GLIS3: variants seen among roughly 807,000 people sequenced by gnomAD.
The protein encoded by GLIS3 is zinc finger protein GLIS3.
In GLIS3, 53 loss-of-function variants were observed where a neutral mutation model predicts 78.6. The observed-to-expected ratio is 0.67, with a 90% CI of 0.54 to 0.85. The LOEUF (loss-of-function observed/expected upper bound fraction) is 0.85. GLIS3 is among the 40% of genes least tolerant of loss of function. GLIS3 has a pLI of 0.00. For synonymous variants in GLIS3, 684 were observed against 509.9 expected (o/e 1.34, Z -4.60); for missense variants, 1,703 against 1,231.1 (o/e 1.38, Z -5.74).
intron 2 of GLIS3, among the ~76,000 whole-genome samples, chr9:4,276,191 G>A (rs1334905699): frequency 6.6e-6 from 1 of 150,706 alleles, no homozygotes; most frequent in East Asian, 1.9e-4. Context: ...GCTGAGGCTG[G>A]AAAATCACCT....
At chr9:4,289,705 G>C (rs112497639) in intron 1 of GLIS3, among the ~76,000 whole-genome samples, 120 of 152,260 alleles carry the variant, frequency 7.9e-4, no homozygotes, top group African/African-American at 2.8e-3. Context: ...GGAACATCCA[G>C]AGGTATAAAT....
At chr9:4,108,882 C>G (rs1037287896) in intron 4 of GLIS3, among the ~76,000 whole-genome samples, 3 of 152,118 alleles carry the variant, frequency 2.0e-5, no homozygotes, top group Non-Finnish European at 4.4e-5. Flanking sequence ...CTCCGGTCAA[C>G]AGACAAATGA....
intron 4 of GLIS3, chr9:4,035,944 C>G (rs1431220447): frequency 1.3e-5 from 2 of 152,406 alleles, no homozygotes; most frequent in African/African-American, 4.8e-5. Context: ...CTGCTGCCTG[C>G]CCACATCCCT....
At chr9:4,472,830 T>A in the GLIS3 span, among the ~76,000 whole-genome samples, 2 of 152,126 alleles carry the variant, frequency 1.3e-5, no homozygotes, top group East Asian at 3.8e-4. Context: ...AAATTATATA[T>A]AATTATTGAT....
At chr9:4,312,002 G>C (rs528935652) in intron 2 of GLIS3, among the ~76,000 whole-genome samples, 16 of 152,304 alleles carry the variant, frequency 1.1e-4, no homozygotes, top group African/African-American at 3.9e-4. Flanking sequence ...AGTGGGAGGA[G>C]GAAGAGGAGC....
At position 4,318,384 on chromosome 9, in the gene GLIS3, C is replaced by G. The variant is rs973719875; in HGVS notation, n.265-7856G>C. Among the ~76,000 whole-genome samples the G allele has an allele frequency of 6.6e-5, 10 of 152,230 alleles. No individual in the cohort carries two copies. In the South Asian group the frequency reaches 2.1e-3, roughly 32 times the overall value. On this transcript the variant is annotated intron_variant and non_coding_transcript_variant, in intron 2 of 4. Transcript: ENST00000471664. ...GTTTCGTTTCTGAATACATCCCTCACTAAAAGGAAGCACGGAGAAATGGCT... is the reference window on the plus strand; with the variant it reads ...GTTTCGTTTCTGAATACATCCCTCAGTAAAAGGAAGCACGGAGAAATGGCT...
At chr9:4,478,047 C>T in the GLIS3 span, among the ~76,000 whole-genome samples, 3 of 152,080 alleles carry the variant, frequency 2.0e-5, no homozygotes, top group South Asian at 2.1e-4. Flanking sequence ...TCCCATGAAC[C>T]GGAACCTGAA....
At chr9:4,274,534 G>A (rs1826813305) in intron 2 of GLIS3, among the ~76,000 whole-genome samples, 1 of 152,120 alleles carries the variant, frequency 6.6e-6, no homozygotes, top group East Asian at 1.9e-4. Context: ...AGAAGCAGAG[G>A]GTGGCAATGA....
At chr9:3,943,753 C>G (rs1563876597) in intron 4 of GLIS3, among the ~76,000 whole-genome samples, 1 of 152,194 alleles carries the variant, frequency 6.6e-6, no homozygotes, top group Non-Finnish European at 1.5e-5. Flanking sequence ...ACACTTTGGT[C>G]TCAATGAGTC....
At chr9:3,965,372 T>TAC in intron 4 of GLIS3, among the ~76,000 whole-genome samples, 1 of 151,958 alleles carries the variant, frequency 6.6e-6, no homozygotes, top group Middle Eastern at 3.4e-3. Context: ...TTTTGTACTT[T>TAC]TAGTAGAGAG....
At chr9:4,343,308 C>T (rs997750869) in intron 2 of GLIS3, among the ~76,000 whole-genome samples, 2 of 152,150 alleles carry the variant, frequency 1.3e-5, no homozygotes, top group African/African-American at 4.8e-5. Flanking sequence ...TGCCACTGCA[C>T]TCCAGCATGG....
chr9:3,921,753 T>C (rs982671712), intron 6 of GLIS3, among the ~76,000 whole-genome samples: 19 of 152,166 alleles, frequency 1.2e-4, no homozygotes, highest in African/African-American at 4.6e-4. Context: ...TAATATCTGT[T>C]ATATATAGTT....
intron 9 of GLIS3, among the ~76,000 whole-genome samples, chr9:3,830,063 A>C (rs1817957837): frequency 6.6e-6 from 1 of 152,270 alleles, no homozygotes; most frequent in African/African-American, 2.4e-5. Flanking sequence ...TCTTTGCAGT[A>C]AATGGAAAAA....
Position 4,075,481 on chromosome 9 carries a change from C to G in GLIS3, c.1710+42287G>C, listed in dbSNP as rs1026149411. ...CTCCCAGCTACTCGGGAGGCTGAGG[C>G]GGAAGAATGGTGTGAACCCAGGAGG... On this transcript the variant is annotated intron_variant, in intron 4 of 10. Coordinates refer to ENST00000381971, the MANE Select transcript of GLIS3 (RefSeq NM_001042413.2). Among the ~76,000 whole-genome samples the G allele has an allele frequency of 1.5e-3, 228 of 149,642 alleles. 1 individual carries two copies. Among genetic ancestry groups the G allele is most frequent in the African/African-American group, 5.4e-3 (221 of 40,770 alleles).
At chr9:4,199,509 A>C (rs1463450331) in intron 2 of GLIS3, among the ~76,000 whole-genome samples, 1 of 149,984 alleles carries the variant, frequency 6.7e-6, no homozygotes, top group Non-Finnish European at 1.5e-5. Context: ...GATATAACTT[A>C]TATCATATAA....
Position 3,908,706 on chromosome 9 carries a change from G to GTTTTTTTTTTTTTTTT in GLIS3, c.1984-9887_1984-9872dup, listed in dbSNP as rs34789708. On this transcript the variant is annotated intron_variant, in intron 6 of 10. Transcript: ENST00000381971. ...GCACCATCAATTGTGATTTGTATTT[G>GTTTTTTTTTTTTTTTT]TTTTTTTTTTTTTTTTTTTTTTGTA... 2.7e-4 allele frequency among the ~76,000 whole-genome samples: 23 copies of GTTTTTTTTTTTTTTTT among 85,562 alleles called. 1 individual carries two copies. Among genetic ancestry groups the GTTTTTTTTTTTTTTTT allele is most frequent in the East Asian group, 7.0e-4 (2 of 2,876 alleles). 56.1% of individuals were successfully genotyped at this position (85,562 alleles called of 152,430 possible).
At chr9:4,184,805 G>A (rs1817630864) in intron 2 of GLIS3, among the ~76,000 whole-genome samples, 1 of 152,154 alleles carries the variant, frequency 6.6e-6, no homozygotes, top group Non-Finnish European at 1.5e-5. Context: ...GTGGGGTGGA[G>A]GAGGGAGTGA....
intron 8 of GLIS3, among the ~76,000 whole-genome samples, chr9:3,858,309 T>C (rs541032852): frequency 2.0e-5 from 3 of 152,280 alleles, no homozygotes; most frequent in African/African-American, 7.2e-5. Context: ...ATATATATGA[T>C]TCTATATAAT....
intron 4 of GLIS3, among the ~76,000 whole-genome samples, chr9:3,976,445 G>A (rs576844895): frequency 3.3e-5 from 5 of 152,084 alleles, no homozygotes; most frequent in African/African-American, 4.8e-5. Flanking sequence ...ACAAGAAAGC[G>A]ATGGCAGATT....
Sources: gnomAD v4.1 joint callset for allele counts (sites outside exome capture counted in the v4.1 genomes callset) on GRCh38, gnomAD v4.1.1 for gene constraint, MANE v1.5 for transcripts, NCBI Gene and HGNC (gene_info 2026-07-23, HGNC 2026-07-21) for gene names.